Variants in RBFOX1 observed in about 807,000 individuals in gnomAD.
RBFOX1 encodes the protein RNA binding fox-1 homolog 1.
A neutral mutation model predicts 57.7 loss-of-function variants in RBFOX1; 8 were observed. That is an observed-to-expected ratio of 0.14 (90% CI 0.08 to 0.25). RBFOX1 has a LOEUF of 0.25. Ranked by LOEUF, RBFOX1 falls within the 10% of genes least tolerant of loss-of-function variation. The probability of loss-of-function intolerance (pLI) is 1.00; values close to 1 mark genes in which losing one functional copy is unlikely to be tolerated. For missense variants in RBFOX1, 611 were observed against 548.5 expected (o/e 1.11, Z -1.14); for synonymous variants, 326 against 222.4 (o/e 1.47, Z -4.15).
intron 3 of RBFOX1, among the ~76,000 whole-genome samples, chr16:6,697,388 C>A (rs1233734019): frequency 1.3e-5 from 2 of 152,110 alleles, no homozygotes; most frequent in African/African-American, 2.4e-5. Flanking sequence ...AACAGAAACC[C>A]AATTCAAACT....
intron 4 of RBFOX1, among the ~76,000 whole-genome samples, chr16:7,172,605 AAAAAG>A (rs912007854): frequency 7.2e-5 from 11 of 152,322 alleles, no homozygotes; most frequent in African/African-American, 2.6e-4. Context: ...TGGAGAAAAA[AAAAAG>A]AAAACTCTCT....
chr16:6,050,963 G>A (rs904703102), intron 1 of RBFOX1, among the ~76,000 whole-genome samples: 1 of 148,562 alleles, frequency 6.7e-6, no homozygotes, highest in Non-Finnish European at 1.5e-5. Flanking sequence ...ATTTTGACAT[G>A]ACTCTGCTTG....
At chr16:6,616,684 C>G (rs1351769326) in intron 2 of RBFOX1, among the ~76,000 whole-genome samples, 1 of 152,204 alleles carries the variant, frequency 6.6e-6, no homozygotes, top group Non-Finnish European at 1.5e-5. Context: ...ATCTACCTGC[C>G]TCTGCCTCCC....
Position 6,420,054 on chromosome 16 carries a change from A to G in RBFOX1, c.-64+102997A>G, listed in dbSNP as rs11646125. 2.8e-3 allele frequency among the ~76,000 whole-genome samples: 421 copies of G among 152,276 alleles called. 1 individual carries two copies. Among genetic ancestry groups the G allele is most frequent in the Non-Finnish European group, 4.1e-3 (279 of 68,026 alleles). ...CTGTTTCAGGTTGTTTGTGACAATCACTTAATTTCCTTGTTTTGCAGCTAA... is the reference window on the plus strand; with the variant it reads ...CTGTTTCAGGTTGTTTGTGACAATCGCTTAATTTCCTTGTTTTGCAGCTAA... On this transcript the variant is annotated intron_variant, in intron 2 of 15. Transcript: ENST00000550418.
intron 2 of RBFOX1, among the ~76,000 whole-genome samples, chr16:6,497,565 A>ATT (rs772851122): frequency 7.4e-5 from 11 of 147,744 alleles, no homozygotes; most frequent in Non-Finnish European, 1.2e-4. Context: ...AGTTTTTAAA[A>ATT]AAAAAAAAAA....
chr16:5,635,704 C>T (rs1312385570), intron 3 of RBFOX1, among the ~76,000 whole-genome samples: 1 of 152,158 alleles, frequency 6.6e-6, no homozygotes, highest in Admixed American at 6.5e-5. Flanking sequence ...AATTACATAT[C>T]CTGGGTGCAC....
At chr16:5,673,476 C>G (rs1233977613) in intron 3 of RBFOX1, among the ~76,000 whole-genome samples, 1 of 152,210 alleles carries the variant, frequency 6.6e-6, no homozygotes, top group African/African-American at 2.4e-5. Context: ...CACAGGTCAT[C>G]TCACAGTCCA....
chr16:5,355,469 C>G (rs754686983), intron 1 of RBFOX1, among the ~76,000 whole-genome samples: 2 of 152,142 alleles, frequency 1.3e-5, no homozygotes, highest in African/African-American at 4.8e-5. Context: ...TCAGGAGGCA[C>G]CTTTGCTGGC....
At chr16:5,821,867 T>G (rs957328216) in intron 3 of RBFOX1, among the ~76,000 whole-genome samples, 8 of 152,278 alleles carry the variant, frequency 5.3e-5, no homozygotes, top group Admixed American at 3.3e-4. Context: ...CCAGCCAGTT[T>G]CCTGCAGCCC....
At chr16:6,944,387 C>G (rs1414062694) in intron 3 of RBFOX1, among the ~76,000 whole-genome samples, 2 of 141,996 alleles carry the variant, frequency 1.4e-5, no homozygotes, top group Non-Finnish European at 3.0e-5. Context: ...GAGCAAGACT[C>G]CATCTCAGAG....
chr16:5,826,160 CAT>C (rs1358589996), intron 3 of RBFOX1, among the ~76,000 whole-genome samples: 1 of 146,806 alleles, frequency 6.8e-6, no homozygotes, highest in Non-Finnish European at 1.5e-5. Flanking sequence ...TTATATATAA[CAT>C]ATTATTCTTA....
At chr16:7,101,718 T>C (rs2062724707) in intron 4 of RBFOX1, among the ~76,000 whole-genome samples, 1 of 152,178 alleles carries the variant, frequency 6.6e-6, no homozygotes, top group African/African-American at 2.4e-5. Flanking sequence ...AAAATGTATT[T>C]GCTTGCCGCA....
chr16:6,984,828 A>G (rs186287811), intron 3 of RBFOX1, among the ~76,000 whole-genome samples: 7 of 152,142 alleles, frequency 4.6e-5, no homozygotes, highest in African/African-American at 1.4e-4. Flanking sequence ...TTTAGCAGAG[A>G]TGGGGTTTCA....
chr16:6,136,501 T>G (rs1335866938), intron 1 of RBFOX1, among the ~76,000 whole-genome samples: 1 of 152,172 alleles, frequency 6.6e-6, no homozygotes, highest in Non-Finnish European at 1.5e-5. Context: ...TGCTGTCTCT[T>G]TTCTGACCAT....
chr16:7,184,643 C>G lies in RBFOX1; in HGVS notation c.27+132545C>G, dbSNP rs556093302. On this transcript the variant is annotated intron_variant, in intron 4 of 15. Transcript: ENST00000550418. ...TCTAGAGCAGTCACAGTATACCATG[C>G]TTGATCACATGGGTATACCTAAACA... is the stretch of plus-strand genomic sequence containing the variant. Among the ~76,000 whole-genome samples the G allele has an allele frequency of 8.6e-4, 131 of 151,644 alleles. 1 individual carries two copies. The highest frequency in any genetic ancestry group is 3.4e-3 in the Middle Eastern group (1 of 294).
At chr16:7,588,676 A>C (rs1458770678) in intron 7 of RBFOX1, among the ~76,000 whole-genome samples, 1 of 152,196 alleles carries the variant, frequency 6.6e-6, no homozygotes, top group African/African-American at 2.4e-5. Context: ...ACGGAGGGTC[A>C]GTAAGCGGTG....
chr16:7,430,910 G>A (rs758296869), intron 4 of RBFOX1, among the ~76,000 whole-genome samples: 1 of 152,218 alleles, frequency 6.6e-6, no homozygotes, highest in Non-Finnish European at 1.5e-5. Flanking sequence ...AGAACCAGAC[G>A]TAGGGATATG....
chr16:5,387,244 G>T (rs921576425), intron 1 of RBFOX1, among the ~76,000 whole-genome samples: 4 of 152,082 alleles, frequency 2.6e-5, no homozygotes, highest in African/African-American at 9.7e-5. Context: ...AATAAGTAAG[G>T]CAGTGTTCTC....
At chr16:5,460,918 G>A (rs1467132238) in intron 1 of RBFOX1, among the ~76,000 whole-genome samples, 5 of 152,186 alleles carry the variant, frequency 3.3e-5, no homozygotes, top group Middle Eastern at 6.3e-3. Context: ...ATTGTCACTT[G>A]TCATCAGGAA....
Sources: gnomAD v4.1 joint callset for allele counts (sites outside exome capture counted in the v4.1 genomes callset) on GRCh38, gnomAD v4.1.1 for gene constraint, MANE v1.5 for transcripts, NCBI Gene and HGNC (gene_info 2026-07-23, HGNC 2026-07-21) for gene names.